The following IL1RAP variants were observed in gnomAD, a reference collection of about 807,000 sequenced individuals.
IL1RAP encodes the protein interleukin 1 receptor accessory protein, also known as interleukin-1 receptor accessory protein.
Under a neutral mutation model 60.7 loss-of-function variants are expected in IL1RAP, and 35 were observed. The observed-to-expected ratio is 0.58, with a 90% confidence interval of 0.44 to 0.76. The LOEUF (loss-of-function observed/expected upper bound fraction) is 0.76. Among genes scored for constraint, IL1RAP ranks in the 30% least tolerant of loss-of-function variants. The probability of loss-of-function intolerance (pLI) is 0.00; values close to 1 mark genes in which losing one functional copy is unlikely to be tolerated. For synonymous variants in IL1RAP, 268 were observed against 250.9 expected (o/e 1.07, Z -0.64); for missense variants, 572 against 693.9 (o/e 0.82, Z 1.97).
chr3:190,627,242 CTT>C, intron 7 of IL1RAP, 79 bp from the exon 8 acceptor site: 1 of 1,261,744 alleles, frequency 7.9e-7, no homozygotes, highest in Non-Finnish European at 1.1e-6. Context: ...AATGGGCTAA[CTT>C]TGTCTTTGTT....
At chr3:190,646,203 C>T (rs1161764682) in intron 11 of IL1RAP, among the ~76,000 whole-genome samples, 1 of 151,140 alleles carries the variant, frequency 6.6e-6, no homozygotes, top group African/African-American at 2.4e-5. Context: ...TTTTACAAGA[C>T]TGAGAATTTT....
intron 1 of IL1RAP, among the ~76,000 whole-genome samples, chr3:190,525,824 A>C (rs1722465741): frequency 6.6e-6 from 1 of 152,222 alleles, no homozygotes; most frequent in Non-Finnish European, 1.5e-5. Context: ...ATGGAAATGT[A>C]TGCACTATTG....
exon 12 of IL1RAP, chr3:190,658,062 A>C (rs1177387201): frequency 6.6e-6 from 1 of 152,046 alleles, no homozygotes; most frequent in East Asian, 1.9e-4. Flanking sequence ...CTTAAAAAAA[A>C]AAAAAAAAAT....
At chr3:190,606,257 T>C (rs1449308218) in intron 4 of IL1RAP, among the ~76,000 whole-genome samples, 1 of 152,168 alleles carries the variant, frequency 6.6e-6, no homozygotes, top group Non-Finnish European at 1.5e-5. Flanking sequence ...TAAAGCAGAT[T>C]ATAGTGGAAA....
downstream of IL1RAP, among the ~76,000 whole-genome samples, chr3:190,654,603 GA>G (rs555617011): frequency 1.2e-3 from 189 of 152,122 alleles, no homozygotes; most frequent in African/African-American, 4.0e-3. Context: ...TCCACTGATT[GA>G]AAAAAACAAA....
At chr3:190,547,242 G>A (rs755214129) in intron 1 of IL1RAP, among the ~76,000 whole-genome samples, 2 of 152,154 alleles carry the variant, frequency 1.3e-5, no homozygotes, top group African/African-American at 2.4e-5. Context: ...TTTCAATAAA[G>A]TCACCAAATG....
intron 11 of IL1RAP, 145 bp downstream of exon 11, chr3:190,645,987 T>C (rs1733987407): frequency 1.5e-6 from 1 of 663,490 alleles, no homozygotes; most frequent in Admixed American, 3.2e-5. Context: ...CCTCTAGAAA[T>C]AAAACTACGT....
chr3:190,526,509 T>C (rs16865559), intron 1 of IL1RAP, among the ~76,000 whole-genome samples: 6,558 of 152,238 alleles, frequency 0.043, 487 homozygotes, highest in East Asian at 0.35. Context: ...CATTAGCAAA[T>C]AGTGATAAAA....
Position 190,649,927 on chromosome 3 carries a change from G to A in IL1RAP, c.*1222G>A. ...AGAGTGGTAAATATCTATGTTACATGTAGATTATACATATATATACACACG... is the reference window on the plus strand; with the variant it reads ...AGAGTGGTAAATATCTATGTTACATATAGATTATACATATATATACACACG... On this transcript the variant is annotated 3_prime_UTR_variant, in exon 12 of 12. Transcript: ENST00000447382. 6.5e-6 allele frequency: 6 copies of A among 925,984 alleles called. No individual in the cohort carries two copies. The highest frequency in any genetic ancestry group is 7.7e-6 in the Non-Finnish European group (6 of 776,024). 57.4% of individuals were successfully genotyped at this position (925,984 alleles called of 1,614,324 possible).
At chr3:190,613,832 CA>C (rs79787574) in intron 5 of IL1RAP, among the ~76,000 whole-genome samples, 60 of 140,090 alleles carry the variant, frequency 4.3e-4, no homozygotes, top group East Asian at 8.3e-4. Context: ...GACTCCATTT[CA>C]AAAAAAAAAA....
chr3:190,607,615 G>A (rs1053386434), intron 4 of IL1RAP, among the ~76,000 whole-genome samples: 1 of 152,096 alleles, frequency 6.6e-6, no homozygotes, highest in African/African-American at 2.4e-5. Flanking sequence ...GAGAAGGCCT[G>A]CATGTGAAAT....
chr3:190,620,251 T>TG, intron 5 of IL1RAP, 24 bp from the exon 6 acceptor site: 1 of 1,020,198 alleles, frequency 9.8e-7, no homozygotes, highest in Middle Eastern at 2.7e-4. Context: ...AAAAGTAAAC[T>TG]TTTTTTTTTT....
At chr3:190,561,615 G>T (rs1309532312) in intron 2 of IL1RAP, among the ~76,000 whole-genome samples, 1 of 152,164 alleles carries the variant, frequency 6.6e-6, no homozygotes, top group Non-Finnish European at 1.5e-5. Context: ...AGAGGTATGT[G>T]GGGGTTTTTA....
chr3:190,597,115 T>G (rs1040561526), intron 3 of IL1RAP, among the ~76,000 whole-genome samples: 1 of 152,202 alleles, frequency 6.6e-6, no homozygotes. Flanking sequence ...AAACATCATG[T>G]AAGGGAGATA....
chr3:190,598,946 A>G (rs1306248442), intron 3 of IL1RAP, among the ~76,000 whole-genome samples: 3 of 152,200 alleles, frequency 2.0e-5, no homozygotes, highest in South Asian at 2.1e-4. Context: ...TATTAACTGC[A>G]TTGCTTTTCA....
At chr3:190,568,189 T>C (rs1056793771) in intron 3 of IL1RAP, among the ~76,000 whole-genome samples, 2 of 152,216 alleles carry the variant, frequency 1.3e-5, no homozygotes, top group African/African-American at 4.8e-5. Context: ...CAGTTGACTG[T>C]GTGCCAGGTG....
intron 7 of IL1RAP, 37 bp downstream of exon 7, chr3:190,623,452 C>A (rs4687160): frequency 0.71 from 980,771 of 1,384,432 alleles, 350,610 homozygotes; most frequent in East Asian, 0.81. Flanking sequence ...CACTTAGATT[C>A]TCTTAATTAC....
chr3:190,555,088 C>T (rs1036733516), intron 1 of IL1RAP, among the ~76,000 whole-genome samples: 2 of 152,058 alleles, frequency 1.3e-5, no homozygotes, highest in Non-Finnish European at 2.9e-5. Context: ...GTGGCAATGT[C>T]GTTAAGTGAA....
chr3:190,526,600 T>G (rs1448650184), intron 1 of IL1RAP, among the ~76,000 whole-genome samples: 1 of 152,228 alleles, frequency 6.6e-6, no homozygotes, highest in Non-Finnish European at 1.5e-5. Context: ...CTAACATCTC[T>G]AAACCTCTTT....
Sources: gnomAD v4.1 joint callset for allele counts (sites outside exome capture counted in the v4.1 genomes callset) on GRCh38, gnomAD v4.1.1 for gene constraint, MANE v1.5 for transcripts, NCBI Gene and HGNC (gene_info 2026-07-23, HGNC 2026-07-21) for gene names.